The following TRPM3 variants were observed in gnomAD, a reference collection of about 807,000 sequenced individuals.
TRPM3 encodes the protein transient receptor potential cation channel subfamily M member 3.
In TRPM3, 77 loss-of-function variants were observed where a neutral mutation model predicts 181.2. The observed-to-expected ratio is 0.42, with a 90% confidence interval of 0.35 to 0.51. The LOEUF is 0.51. TRPM3 is among the 20% of genes least tolerant of loss of function. TRPM3 has a pLI of 0.01. For missense variants in TRPM3, 1,759 were observed against 2,196.7 expected, an observed-to-expected ratio of 0.80 and a Z score of 3.98; for synonymous variants, 745 against 796.4, an observed-to-expected ratio of 0.94 and a Z score of 1.09.
chr9:71,188,009 T>C (rs1364190701), intron 1 of TRPM3, among the ~76,000 whole-genome samples: 2 of 151,950 alleles, frequency 1.3e-5, no homozygotes, highest in East Asian at 3.9e-4. Flanking sequence ...TATCATAATT[T>C]ATCATTCCTC....
rs958857686 is a variant in TRPM3, at chr9:70,595,509, T to C, written c.3048+2910A>G. On this transcript the variant is annotated intron_variant, in intron 21 of 25. Transcript: ENST00000677713. ...GACAGCTTCCTAAAATAAGGAATTA[T>C]ACAGCCCACGATATCAGCAGTGTCA... is the stretch of plus-strand genomic sequence containing the variant. 2.6e-5 allele frequency among the ~76,000 whole-genome samples: 4 copies of C among 152,354 alleles called. No individual in the cohort carries two copies. The East Asian group carries it at 7.7e-4, about 29-fold the overall frequency.
intron 1 of TRPM3, among the ~76,000 whole-genome samples, chr9:70,877,691 G>A (rs138200233): frequency 4.6e-5 from 7 of 151,954 alleles, no homozygotes; most frequent in East Asian, 1.9e-4. Flanking sequence ...TAAACTCTAC[G>A]TTTGCAAGAG....
intron 3 of TRPM3, among the ~76,000 whole-genome samples, chr9:70,859,035 T>C (rs1268688766): frequency 1.3e-5 from 2 of 152,126 alleles, no homozygotes; most frequent in Non-Finnish European, 2.9e-5. Context: ...ATGGATGACT[T>C]GGCAGAAGTT....
At chr9:71,320,308 G>T (rs1304667041) in intron 1 of TRPM3, among the ~76,000 whole-genome samples, 1 of 149,436 alleles carries the variant, frequency 6.7e-6, no homozygotes, top group Non-Finnish European at 1.5e-5. Context: ...AAACATATTT[G>T]CAATGTTAAT....
chr9:70,919,646 T>A (rs151223558), intron 1 of TRPM3, among the ~76,000 whole-genome samples: 315 of 152,056 alleles, frequency 2.1e-3, no homozygotes, highest in African/African-American at 7.4e-3. Context: ...TAGCTGGGCG[T>A]GGTGGTGGGT....
chr9:71,437,882 A>AG (rs2094070147), intron 1 of TRPM3, among the ~76,000 whole-genome samples: 1 of 147,000 alleles, frequency 6.8e-6, no homozygotes, highest in African/African-American at 2.5e-5. Context: ...AAAAAAAAAG[A>AG]AAAAAAAACC....
intron 1 of TRPM3, among the ~76,000 whole-genome samples, chr9:71,105,069 C>A (rs999858447): frequency 2.6e-5 from 4 of 152,136 alleles, no homozygotes; most frequent in East Asian, 3.8e-4. Flanking sequence ...TGGGAAATAA[C>A]CCAAATGTCT....
chr9:70,788,430 T>G (rs889653069), intron 6 of TRPM3, among the ~76,000 whole-genome samples: 9 of 152,076 alleles, frequency 5.9e-5, no homozygotes, highest in African/African-American at 2.2e-4. Context: ...AACAAAATTC[T>G]ATGCCCAGGA....
chr9:70,903,033 G>A (rs2096407968), intron 1 of TRPM3, among the ~76,000 whole-genome samples: 1 of 152,148 alleles, frequency 6.6e-6, no homozygotes, highest in Non-Finnish European at 1.5e-5. Context: ...GGGATGTAAA[G>A]ATGTTATCCA....
chr9:71,426,632 T>C (rs772618950), intron 1 of TRPM3, among the ~76,000 whole-genome samples: 1 of 152,180 alleles, frequency 6.6e-6, no homozygotes, highest in Non-Finnish European at 1.5e-5. Context: ...TATTAATTTC[T>C]GAATATGGGG....
At chr9:71,424,505 C>T (rs758398326) in intron 1 of TRPM3, among the ~76,000 whole-genome samples, 7 of 152,114 alleles carry the variant, frequency 4.6e-5, no homozygotes, top group Non-Finnish European at 8.8e-5. Context: ...ATGATGTAAA[C>T]ATAAGCAATA....
intron 21 of TRPM3, among the ~76,000 whole-genome samples, chr9:70,595,282 A>C (rs977677246): frequency 6.6e-6 from 1 of 152,238 alleles, no homozygotes; most frequent in African/African-American, 2.4e-5. Context: ...AAATAAAATA[A>C]GGTAGCAATC....
chr9:71,299,132 G>A (rs1056205292), intron 1 of TRPM3, among the ~76,000 whole-genome samples: 4 of 152,170 alleles, frequency 2.6e-5, no homozygotes, highest in African/African-American at 7.2e-5. Context: ...GCAGAGTACA[G>A]TCTAAGATAG....
chr9:70,873,394 C>T (rs891448485), intron 1 of TRPM3, among the ~76,000 whole-genome samples: 1 of 151,926 alleles, frequency 6.6e-6, no homozygotes, highest in Non-Finnish European at 1.5e-5. Context: ...GCTCTCCATC[C>T]CTAGTATGGT....
At chr9:71,219,793 G>A (rs977206119) in intron 1 of TRPM3, among the ~76,000 whole-genome samples, 7 of 152,196 alleles carry the variant, frequency 4.6e-5, no homozygotes, top group African/African-American at 1.4e-4. Context: ...AGGATCAACA[G>A]AACATATGGG....
rs2065359191 is a variant in TRPM3 at position 70,681,257 on chromosome 9, A to G, written c.1345+249T>C. ...ATATTATGTCAGCCTTTTTCTTTAT[A>G]TACGTTTATAATTCATGGACATAAC... is the stretch of plus-strand genomic sequence containing the variant. On this transcript the variant is annotated intron_variant, in intron 9 of 25. Coordinates refer to ENST00000677713, the MANE Select transcript of TRPM3 (RefSeq NM_001366145.2). Among the ~76,000 whole-genome samples the G allele has an allele frequency of 2.0e-5, 3 of 152,160 alleles. No individual in the cohort carries two copies. In the South Asian group the frequency reaches 6.2e-4, roughly 32 times the overall value.
chr9:70,767,040 C>T (rs924015647), intron 7 of TRPM3, among the ~76,000 whole-genome samples: 3 of 152,226 alleles, frequency 2.0e-5, no homozygotes, highest in Admixed American at 2.0e-4. Context: ...GAGAGTCCTA[C>T]GATGCTTTTT....
intron 5 of TRPM3, among the ~76,000 whole-genome samples, chr9:70,833,375 A>G (rs2094084512): frequency 6.6e-6 from 1 of 152,308 alleles, no homozygotes; most frequent in African/African-American, 2.4e-5. Flanking sequence ...CATGCTCCAG[A>G]CAAGAGGCAG....
chr9:70,790,649 C>T (rs1333945901), intron 6 of TRPM3, among the ~76,000 whole-genome samples: 3 of 152,180 alleles, frequency 2.0e-5, no homozygotes, highest in Non-Finnish European at 4.4e-5. Context: ...CAGCTCTTTA[C>T]AAATAGTTTC....
Sources: allele counts gnomAD v4.1 joint callset (sites outside exome capture counted in the v4.1 genomes callset), GRCh38; gene constraint gnomAD v4.1.1; transcripts MANE v1.5; gene names NCBI Gene and HGNC (gene_info 2026-07-23, HGNC 2026-07-21).